The following OSBPL3 variants were observed in gnomAD, a reference collection of about 807,000 sequenced individuals.
The protein encoded by OSBPL3 is oxysterol binding protein like 3, also known as oxysterol-binding protein-related protein 3.
Under a neutral mutation model 120.1 loss-of-function variants are expected in OSBPL3, and 65 were observed. That is an observed-to-expected ratio of 0.54 (90% CI 0.44 to 0.67). The LOEUF (loss-of-function observed/expected upper bound fraction) is 0.67. OSBPL3 is among the 30% of genes least tolerant of loss of function. The pLI is 0.00. For synonymous variants in OSBPL3, 416 were observed against 402.6 expected (o/e 1.03, Z -0.40); for missense variants, 1,004 against 1,082.1 (o/e 0.93, Z 1.01).
At chr7:24,944,411 A>G (rs6972925) in intron 1 of OSBPL3, among the ~76,000 whole-genome samples, 38,341 of 151,928 alleles carry the variant, frequency 0.25, 5,581 homozygotes, top group Non-Finnish European at 0.34. Context: ...GGCAGATCGG[A>G]AGGTCAGGAG....
chr7:24,977,646 G>A (rs1475003502), intron 1 of OSBPL3, among the ~76,000 whole-genome samples: 2 of 152,268 alleles, frequency 1.3e-5, no homozygotes, highest in East Asian at 3.9e-4. Context: ...CACAAGGTCA[G>A]GAGATCGAGA....
chr7:24,801,243 C>CAA (rs397976980), intron 22 of OSBPL3, among the ~76,000 whole-genome samples: 7,180 of 73,512 alleles, frequency 0.098, 931 homozygotes, highest in African/African-American at 0.27. Context: ...GACTCCTTCT[C>CAA]AAAAAAAAAA....
intron 2 of OSBPL3, among the ~76,000 whole-genome samples, chr7:24,884,073 AAAC>A (rs70942891): frequency 0.17 from 23,312 of 139,448 alleles, 2,302 homozygotes; most frequent in East Asian, 0.53. Flanking sequence ...ACAAACAAAC[AAAC>A]AACAACAGCA....
In OSBPL3 at chr7:24,871,741, C is replaced by A. The variant is rs1802143249; in HGVS notation, c.267+1G>T. On this transcript the variant is annotated splice_donor_variant, in intron 4 of 22. Transcript: ENST00000313367. LOFTEE classifies it high-confidence loss of function. The surrounding 1 kb of genome is among the most constrained non-coding windows in gnomAD (Gnocchi z 4.8). ...CACAGTGGGCCCACAAAAAGACTTA[C>A]ATCGGTTTGGCTCTTGGCATATTTC... 1 of 1,611,552 alleles carries A rather than the reference C, an allele frequency of 6.2e-7. No individual in the cohort carries two copies. The highest frequency in any genetic ancestry group is 8.5e-7 in the Non-Finnish European group (1 of 1,177,700).
At chr7:24,892,750 C>A (rs572738208) in intron 1 of OSBPL3, 129 bp from the exon 2 acceptor site, 2 of 447,502 alleles carry the variant, frequency 4.5e-6, no homozygotes, top group Admixed American at 4.6e-5. Context: ...TAGCAGGCGC[C>A]GAGAAGGAAA....
chr7:24,959,690 A>G lies in OSBPL3; in HGVS notation c.-150+20196T>C, dbSNP rs910084984. On this transcript the variant is annotated intron_variant, in intron 1 of 22. Transcript: ENST00000313367. The surrounding 1 kb of genome is among the most constrained non-coding windows in gnomAD (Gnocchi z 4.3). ...TCTGCAGGCATATTATACTTTAACA[A>G]AAATGTTCCTAAAATAAATCAATAG... is the stretch of plus-strand genomic sequence containing the variant. 6.6e-6 allele frequency among the ~76,000 whole-genome samples: 1 copy of G among 152,208 alleles called. No individual in the cohort carries two copies. The highest frequency in any genetic ancestry group is 2.4e-5 in the African/African-American group (1 of 41,454).
At chr7:24,853,594 G>A (rs1799445364) in intron 10 of OSBPL3, among the ~76,000 whole-genome samples, 1 of 152,166 alleles carries the variant, frequency 6.6e-6, no homozygotes, top group South Asian at 2.1e-4. Context: ...GAATATGGGA[G>A]GTAGAATAGA....
At chr7:24,866,542 G>A (rs2128267353) in intron 5 of OSBPL3, among the ~76,000 whole-genome samples, 1 of 152,286 alleles carries the variant, frequency 6.6e-6, no homozygotes, top group South Asian at 2.1e-4. Flanking sequence ...TCGGGAGGCT[G>A]AGGTGGGAGG....
intron 15 of OSBPL3, among the ~76,000 whole-genome samples, chr7:24,832,832 A>C (rs930050909): frequency 6.6e-6 from 1 of 152,184 alleles, no homozygotes; most frequent in Admixed American, 6.5e-5. Flanking sequence ...AGGCAGGGGC[A>C]TAAGCAGACG....
Position 24,916,446 on chromosome 7 carries a change from AT to A in OSBPL3, c.-149-23826del, listed in dbSNP as rs1485389829. Among the ~76,000 whole-genome samples the A allele has an allele frequency of 6.6e-6, 1 of 151,738 alleles. No homozygotes were observed. The highest frequency in any genetic ancestry group is 1.5e-5 in the Non-Finnish European group (1 of 67,956). ...TTTGAACTTTTTTTTCTTTTGCCTA[AT>A]TTTTTTTAATTAAGAAAACATCAGT... On this transcript the variant is annotated intron_variant, in intron 1 of 22. Transcript: ENST00000313367. This position sits in a 1 kb window ranked among gnomAD's most constrained non-coding sequence, Gnocchi z 4.9.
rs1793556804 is a variant in OSBPL3 at position 24,809,915 on chromosome 7, C to T, written c.2209G>A (p.Gly737Ser). The stretch of plus-strand genomic sequence containing the variant: ...TTTCCACTCCTGTCAAACACTGTGC[C>T]TTCAATCTCATGGGCATTAGTGCTC... ...YWSTNAHEIE[G>S]TVFDRSGKAV... Residue 737 changes from glycine (G) to serine (S), a missense_variant, in exon 20 of 23, where the codon GGC (glycine) becomes AGC (serine). Around this residue, in one of 4 missense-constraint regions of OSBPL3, gnomAD observed 473 missense variants for 568.0 expected, o/e 0.83. Coordinates refer to ENST00000313367, the MANE Select transcript of OSBPL3 (RefSeq NM_015550.4). 1 of 1,614,044 alleles carries T rather than the reference C, an allele frequency of 6.2e-7. No individual in the cohort carries two copies.
chr7:24,909,783 C>CTTTTTTTTTTTTTTTTTT (rs10591188), intron 1 of OSBPL3, among the ~76,000 whole-genome samples: 61 of 77,268 alleles, frequency 7.9e-4, no homozygotes, highest in South Asian at 1.1e-3. Flanking sequence ...TTTTTTCTTT[C>CTTTTTTTTTTTTTTTTTT]TTTTTTTTTT....
chr7:24,868,881 G>T (rs551954919), intron 5 of OSBPL3, among the ~76,000 whole-genome samples: 6 of 152,316 alleles, frequency 3.9e-5, no homozygotes, highest in African/African-American at 1.4e-4. Flanking sequence ...ACTTTTCTAT[G>T]AGTTAAACAA....
At chr7:24,907,405 G>T (rs142) in intron 1 of OSBPL3, among the ~76,000 whole-genome samples, 27,888 of 152,206 alleles carry the variant, frequency 0.18, 3,170 homozygotes, top group Non-Finnish European at 0.24. Flanking sequence ...TCATGTGAAA[G>T]CAGGCATGAA....
upstream of OSBPL3, among the ~76,000 whole-genome samples, chr7:24,981,818 G>A (rs1818397860): frequency 6.6e-6 from 1 of 152,212 alleles, no homozygotes; most frequent in Non-Finnish European, 1.5e-5. The surrounding 1 kb of genome is among the most constrained non-coding windows in gnomAD (Gnocchi z 7.3). Context: ...GCGCCAGGTG[G>A]CTGGACGGGT....
Position 24,967,913 on chromosome 7 carries a change from C to G in OSBPL3, c.-150+11973G>C, listed in dbSNP as rs116089316. Among the ~76,000 whole-genome samples, 1,391 of 152,262 alleles carry G rather than the reference C, an allele frequency of 9.1e-3. 24 individuals carry two copies. Among genetic ancestry groups the G allele is most frequent in the African/African-American group, 0.031 (1,308 of 41,542 alleles). ...CTCAGCATATTCAAAACCAAAAGCA[C>G]TCTCTTTCTCTAAGATCTACTCATC... On this transcript the variant is annotated intron_variant, in intron 1 of 22. Coordinates refer to ENST00000313367, the MANE Select transcript of OSBPL3 (RefSeq NM_015550.4). This position sits in a 1 kb window ranked among gnomAD's most constrained non-coding sequence, Gnocchi z 5.6.
chr7:24,865,549 C>G, intron 6 of OSBPL3, 84 bp from the exon 7 acceptor site: 2 of 1,360,424 alleles, frequency 1.5e-6, no homozygotes, highest in East Asian at 4.6e-5. Flanking sequence ...ACAGAGTGGG[C>G]TAGTCACTAA....
At chr7:24,979,545 T>C (rs181377087) in intron 1 of OSBPL3, among the ~76,000 whole-genome samples, 1 of 152,112 alleles carries the variant, frequency 6.6e-6, no homozygotes, top group Non-Finnish European at 1.5e-5. Flanking sequence ...GCGTAGCGCC[T>C]CCCCGCTGCC....
intron 1 of OSBPL3, among the ~76,000 whole-genome samples, chr7:24,974,743 A>G (rs1374761308): frequency 1.3e-5 from 2 of 152,228 alleles, no homozygotes; most frequent in Non-Finnish European, 2.9e-5. Flanking sequence ...GAAGCCAGAC[A>G]CGAAAGGCCA....
Sources: allele counts gnomAD v4.1 joint callset (sites outside exome capture counted in the v4.1 genomes callset), GRCh38; gene constraint gnomAD v4.1.1; regional missense constraint gnomAD v4.1.1; non-coding constraint Gnocchi (gnomAD v3.1); transcripts MANE v1.5; gene names NCBI Gene and HGNC (gene_info 2026-07-23, HGNC 2026-07-21).